UBE2E2: variants seen among roughly 807,000 people sequenced by gnomAD.
UBE2E2 encodes ubiquitin-conjugating enzyme E2 E2.
UBE2E2 carries 6 observed loss-of-function variants against 24.7 expected under a neutral mutation model. That is an observed-to-expected ratio of 0.24 (90% CI 0.13 to 0.48). The LOEUF (loss-of-function observed/expected upper bound fraction) is 0.48. Ranked by LOEUF, UBE2E2 falls within the 20% of genes least tolerant of loss-of-function variation. The pLI, the probability that UBE2E2 is intolerant of heterozygous loss-of-function variation, is 0.99. For missense variants in UBE2E2, 169 were observed against 245.0 expected (o/e 0.69, Z 2.07); for synonymous variants, 104 against 83.6 (o/e 1.24, Z -1.33).
intron 3 of UBE2E2, among the ~76,000 whole-genome samples, chr3:23,218,457 T>A (rs1696540908): frequency 6.6e-6 from 1 of 152,112 alleles, no homozygotes; most frequent in Admixed American, 6.6e-5. Context: ...TGGTGGTCAA[T>A]GATTATAAGT....
At chr3:23,556,029 G>A (rs900508476) in intron 5 of UBE2E2, among the ~76,000 whole-genome samples, 2 of 151,768 alleles carry the variant, frequency 1.3e-5, no homozygotes, top group African/African-American at 4.8e-5. Flanking sequence ...GGTGGGGAGG[G>A]AAATGGGTAA....
chr3:23,240,735 T>C (rs1476577155), intron 3 of UBE2E2, among the ~76,000 whole-genome samples: 1 of 152,214 alleles, frequency 6.6e-6, no homozygotes. Context: ...ACTGGATAGC[T>C]TAAGTATTTT....
At chr3:23,291,293 T>A (rs17012959) in intron 3 of UBE2E2, among the ~76,000 whole-genome samples, 1 of 152,146 alleles carries the variant, frequency 6.6e-6, no homozygotes. Context: ...TGATCCTACC[T>A]TTGTTTAACA....
At chr3:23,461,424 G>A (rs1159539920) in intron 3 of UBE2E2, among the ~76,000 whole-genome samples, 1 of 151,560 alleles carries the variant, frequency 6.6e-6, no homozygotes, top group Non-Finnish European at 1.5e-5. Context: ...CAGCAGTGTG[G>A]TAGAGGAATC....
chr3:23,327,584 T>C (rs182318801), intron 3 of UBE2E2, among the ~76,000 whole-genome samples: 2 of 152,356 alleles, frequency 1.3e-5, no homozygotes, highest in Admixed American at 6.5e-5. Context: ...ATTGTTCTTA[T>C]AGGCAGGTTT....
intron 3 of UBE2E2, among the ~76,000 whole-genome samples, chr3:23,230,672 G>C (rs1696950736): frequency 6.6e-6 from 1 of 151,910 alleles, no homozygotes; most frequent in Non-Finnish European, 1.5e-5. Flanking sequence ...TGTAATCCCA[G>C]CTACTCAGGA....
chr3:23,258,973 G>C (rs970038213), intron 3 of UBE2E2, among the ~76,000 whole-genome samples: 2 of 145,950 alleles, frequency 1.4e-5, no homozygotes, highest in Non-Finnish European at 3.0e-5. Context: ...TTGTCATAAT[G>C]TTTTGACTTA....
intron 3 of UBE2E2, among the ~76,000 whole-genome samples, chr3:23,470,195 G>GT (rs1699004756): frequency 6.6e-6 from 1 of 152,202 alleles, no homozygotes; most frequent in African/African-American, 2.4e-5. Flanking sequence ...AAGAGATACT[G>GT]TTACTGTGCC....
intron 1 of UBE2E2, chr3:23,204,872 T>C (rs2125313306): frequency 3.3e-6 from 2 of 606,110 alleles, no homozygotes; most frequent in Non-Finnish European, 4.1e-6. Context: ...TTTCCTGTTA[T>C]AAAAGCTTAA....
intron 3 of UBE2E2, among the ~76,000 whole-genome samples, chr3:23,485,508 A>G (rs1045839387): frequency 6.6e-6 from 1 of 152,128 alleles, no homozygotes; most frequent in African/African-American, 2.4e-5. Flanking sequence ...TCTGACATTT[A>G]GCCTTTCTTC....
chr3:23,521,540 A>G (rs1320236746), intron 4 of UBE2E2, among the ~76,000 whole-genome samples: 1 of 152,238 alleles, frequency 6.6e-6, no homozygotes, highest in Non-Finnish European at 1.5e-5. Context: ...TGTTGGCTCA[A>G]CATAGCCCCA....
intron 3 of UBE2E2, among the ~76,000 whole-genome samples, chr3:23,331,572 A>C (rs983585864): frequency 6.6e-6 from 1 of 152,128 alleles, no homozygotes; most frequent in Non-Finnish European, 1.5e-5. Context: ...AAAGTGACAC[A>C]AAGACCATAA....
At chr3:23,340,225 T>C (rs535641261) in intron 3 of UBE2E2, among the ~76,000 whole-genome samples, 14 of 152,288 alleles carry the variant, frequency 9.2e-5, no homozygotes, top group African/African-American at 3.4e-4. Context: ...TTAAAATTTT[T>C]TCTTTTTGCC....
chr3:23,567,088 A>C (rs1696092600), intron 5 of UBE2E2, among the ~76,000 whole-genome samples: 2 of 152,192 alleles, frequency 1.3e-5, no homozygotes, highest in Admixed American at 6.5e-5. Context: ...TTATTTAGTC[A>C]TTTCATGTAC....
At chr3:23,581,687 A>C (rs991287663) in intron 5 of UBE2E2, among the ~76,000 whole-genome samples, 2 of 152,326 alleles carry the variant, frequency 1.3e-5, no homozygotes, top group South Asian at 4.1e-4. Context: ...CTTTTCCACT[A>C]TGCTATACTA....
At position 23,341,064 on chromosome 3, in the gene UBE2E2, C is replaced by G. The variant is rs541427271; in HGVS notation, c.227+123752C>G. On this transcript the variant is annotated intron_variant, in intron 3 of 5. Coordinates refer to ENST00000396703, the MANE Select transcript of UBE2E2 (RefSeq NM_152653.4). ...TTCTTTTGAAATGCAGACCATGGTT[C>G]CAAGAAGTTTATGCTCACAGAATCA... 3.8e-4 allele frequency among the ~76,000 whole-genome samples: 58 copies of G among 152,236 alleles called. 1 individual carries two copies. The highest frequency in any genetic ancestry group is 1.5e-5 in the Non-Finnish European group (1 of 67,996).
At chr3:23,226,348 C>G (rs925624923) in intron 3 of UBE2E2, among the ~76,000 whole-genome samples, 2 of 152,138 alleles carry the variant, frequency 1.3e-5, no homozygotes, top group Non-Finnish European at 2.9e-5. Context: ...TAATTATTGT[C>G]ACTAATTATT....
At chr3:23,414,494 G>A (rs1347503459) in intron 3 of UBE2E2, among the ~76,000 whole-genome samples, 1 of 152,128 alleles carries the variant, frequency 6.6e-6, no homozygotes, top group African/African-American at 2.4e-5. Context: ...CACCTACCAG[G>A]CCCCACCTCC....
At chr3:23,548,708 C>T (rs1695576705) in intron 5 of UBE2E2, among the ~76,000 whole-genome samples, 1 of 152,192 alleles carries the variant, frequency 6.6e-6, no homozygotes, top group African/African-American at 2.4e-5. Context: ...TCCTCCTTAA[C>T]TTCATTTAAC....
Sources: gnomAD v4.1 joint callset for allele counts (sites outside exome capture counted in the v4.1 genomes callset) on GRCh38, gnomAD v4.1.1 for gene constraint, MANE v1.5 for transcripts, NCBI Gene and HGNC (gene_info 2026-07-23, HGNC 2026-07-21) for gene names.